The following ADAMTSL1 variants were observed in gnomAD, a reference collection of about 807,000 sequenced individuals.
ADAMTSL1 encodes ADAMTS like 1, also known as ADAMTS-like protein 1.
In ADAMTSL1, 126 loss-of-function variants were observed where a neutral mutation model predicts 201.8. The observed-to-expected ratio is 0.62, with a 90% CI of 0.54 to 0.72. The LOEUF (loss-of-function observed/expected upper bound fraction) is 0.72, where lower values mean the gene tolerates loss of function less well. Ranked by LOEUF, ADAMTSL1 falls within the 30% of genes least tolerant of loss-of-function variation. The probability of loss-of-function intolerance (pLI) is 0.00; values close to 1 mark genes in which losing one functional copy is unlikely to be tolerated. For synonymous variants in ADAMTSL1, 1,121 were observed against 903.4 expected, an observed-to-expected ratio of 1.24 and a Z score of -4.32; for missense variants, 2,679 against 2,277.8, an observed-to-expected ratio of 1.18 and a Z score of -3.59.
At chr9:18,289,192 T>C (rs1428430173) in intron 2 of ADAMTSL1, among the ~76,000 whole-genome samples, 1 of 141,930 alleles carries the variant, frequency 7.0e-6, no homozygotes, top group African/African-American at 2.6e-5. Flanking sequence ...TATCTATCTA[T>C]AGAGAGATAT....
intron 4 of ADAMTSL1, among the ~76,000 whole-genome samples, chr9:18,577,421 G>A (rs1425936131): frequency 1.3e-5 from 2 of 152,164 alleles, no homozygotes; most frequent in Admixed American, 1.3e-4. Flanking sequence ...GGGAGGCAGA[G>A]GTTGCAGTGA....
intron 2 of ADAMTSL1, among the ~76,000 whole-genome samples, chr9:18,280,457 C>G (rs1457030777): frequency 1.3e-5 from 2 of 150,584 alleles, no homozygotes; most frequent in African/African-American, 4.9e-5. Context: ...CTTTTATTGA[C>G]TGTGATGTAT....
At chr9:18,134,881 G>T (rs1289384244) in intron 1 of ADAMTSL1, among the ~76,000 whole-genome samples, 5 of 152,164 alleles carry the variant, frequency 3.3e-5, no homozygotes, top group Admixed American at 6.6e-5. Flanking sequence ...GTTGGGGACT[G>T]CCAGGAAGGC....
intron 18 of ADAMTSL1, among the ~76,000 whole-genome samples, chr9:18,776,278 G>A (rs1241302005): frequency 6.6e-6 from 1 of 152,170 alleles, no homozygotes; most frequent in African/African-American, 2.4e-5. Flanking sequence ...AACACTTCTA[G>A]GCTGTCCTTA....
chr9:18,689,284 G>A (rs1457838345), intron 13 of ADAMTSL1, among the ~76,000 whole-genome samples: 4 of 152,060 alleles, frequency 2.6e-5, no homozygotes, highest in East Asian at 3.8e-4. Context: ...TATCACCCAC[G>A]CAAGTACATA....
intron 9 of ADAMTSL1, among the ~76,000 whole-genome samples, chr9:18,673,398 T>C (rs927377309): frequency 6.6e-6 from 1 of 152,248 alleles, no homozygotes; most frequent in Non-Finnish European, 1.5e-5. Flanking sequence ...ACCATTGTTT[T>C]GATAGCTTTC....
At chr9:18,453,773 A>C (rs1204203771) in intron 2 of ADAMTSL1, among the ~76,000 whole-genome samples, 1 of 152,168 alleles carries the variant, frequency 6.6e-6, no homozygotes, top group Non-Finnish European at 1.5e-5. Flanking sequence ...TATGAAATGC[A>C]GATTTTTTTG....
intron 1 of ADAMTSL1, among the ~76,000 whole-genome samples, chr9:17,959,179 C>T (rs1053015112): frequency 5.9e-5 from 9 of 152,140 alleles, no homozygotes; most frequent in African/African-American, 9.7e-5. Context: ...TGCTCAAAGA[C>T]GGCAAACTAA....
At chr9:18,710,798 G>A (rs1043465401) in intron 14 of ADAMTSL1, among the ~76,000 whole-genome samples, 2 of 151,192 alleles carry the variant, frequency 1.3e-5, no homozygotes, top group African/African-American at 4.9e-5. Context: ...TTGTTGGATG[G>A]ACACAATCTT....
At chr9:18,719,085 A>T (rs927307063) in intron 14 of ADAMTSL1, among the ~76,000 whole-genome samples, 1 of 152,176 alleles carries the variant, frequency 6.6e-6, no homozygotes. Context: ...ACTGTTTCTT[A>T]TGAAGTGTTT....
At chr9:18,342,151 C>T (rs1241451129) in intron 2 of ADAMTSL1, among the ~76,000 whole-genome samples, 1 of 152,096 alleles carries the variant, frequency 6.6e-6, no homozygotes, top group Non-Finnish European at 1.5e-5. Context: ...TTTTCTTCTC[C>T]CAGTGTCTAT....
Position 18,600,353 on chromosome 9 carries a change from A to C in ADAMTSL1, c.475-21890A>C, listed in dbSNP as rs1345688303. Among the ~76,000 whole-genome samples the C allele has an allele frequency of 2.6e-5, 4 of 152,332 alleles. No individual in the cohort carries two copies. In the East Asian group the frequency reaches 7.7e-4, roughly 29 times the overall value. ...AGAGAACCCCATCTACTGCCCAAAAAGTCTAGTTTTCTTGCCCAAGGTCAT... is the reference window on the plus strand; with the variant it reads ...AGAGAACCCCATCTACTGCCCAAAACGTCTAGTTTTCTTGCCCAAGGTCAT... On this transcript the variant is annotated intron_variant, in intron 4 of 28. Transcript: ENST00000380548.
intron 2 of ADAMTSL1, among the ~76,000 whole-genome samples, chr9:18,364,576 T>C (rs542731150): frequency 1.5e-3 from 225 of 152,220 alleles, no homozygotes; most frequent in African/African-American, 5.1e-3. Flanking sequence ...CAATAACCTA[T>C]ATAAACAGAC....
intron 1 of ADAMTSL1, among the ~76,000 whole-genome samples, chr9:18,069,633 T>C (rs182092756): frequency 1.8e-4 from 28 of 152,342 alleles, no homozygotes; most frequent in African/African-American, 6.5e-4. Flanking sequence ...AATCTGGGCT[T>C]TATTCTTTAG....
chr9:17,967,270 T>C (rs1005326147), intron 1 of ADAMTSL1, among the ~76,000 whole-genome samples: 4 of 152,122 alleles, frequency 2.6e-5, no homozygotes, highest in African/African-American at 9.6e-5. Flanking sequence ...TTCTGGAAAA[T>C]TTATTTTCTG....
intron 1 of ADAMTSL1, among the ~76,000 whole-genome samples, chr9:18,115,454 C>G (rs562548729): frequency 7.2e-5 from 11 of 152,032 alleles, no homozygotes; most frequent in Admixed American, 7.2e-4. Flanking sequence ...AAATATTTAA[C>G]GGCTGCCAGC....
intron 1 of ADAMTSL1, among the ~76,000 whole-genome samples, chr9:17,943,423 T>C (rs1266750742): frequency 6.6e-6 from 1 of 152,158 alleles, no homozygotes; most frequent in East Asian, 1.9e-4. Context: ...CATTCTCACC[T>C]TATCGCAGGT....
chr9:18,399,280 C>CATATATATATATAT (rs561622408), intron 2 of ADAMTSL1, among the ~76,000 whole-genome samples: 5 of 31,004 alleles, frequency 1.6e-4, no homozygotes, highest in South Asian at 1.8e-3. Context: ...GTCTGCTTTA[C>CATATATATATATAT]ATATATATAT....
intron 13 of ADAMTSL1, among the ~76,000 whole-genome samples, chr9:18,697,356 C>G (rs1831622545): frequency 6.6e-6 from 1 of 152,172 alleles, no homozygotes; most frequent in South Asian, 2.1e-4. Flanking sequence ...TGTATCACCA[C>G]CAGACCTCTA....
Sources: allele counts gnomAD v4.1 joint callset (sites outside exome capture counted in the v4.1 genomes callset), GRCh38; gene constraint gnomAD v4.1.1; transcripts MANE v1.5; gene names NCBI Gene and HGNC (gene_info 2026-07-23, HGNC 2026-07-21).